MEF2A: variants seen among roughly 807,000 people sequenced by gnomAD.
MEF2A encodes myocyte enhancer factor 2A, also known as myocyte-specific enhancer factor 2A.
A neutral mutation model predicts 55.8 loss-of-function variants in MEF2A; 28 were observed. The ratio of observed to expected loss-of-function variants is 0.50; its 90% CI spans 0.37 to 0.69. The LOEUF is 0.69. Ranked by LOEUF, MEF2A falls within the 30% of genes least tolerant of loss-of-function variation. The pLI, the probability that MEF2A is intolerant of heterozygous loss-of-function variation, is 0.00. For missense variants in MEF2A, 528 were observed against 626.2 expected (o/e 0.84, Z 1.67); for synonymous variants, 239 against 227.1 (o/e 1.05, Z -0.47).
chr15:99,680,218 G>A (rs890333638), intron 7 of MEF2A, among the ~76,000 whole-genome samples: 1 of 152,056 alleles, frequency 6.6e-6, no homozygotes, highest in Non-Finnish European at 1.5e-5. Context: ...CAACAGATAG[G>A]GGAATGTTTA....
chr15:99,689,481 T>C (rs1454199598), intron 7 of MEF2A, among the ~76,000 whole-genome samples: 2 of 152,108 alleles, frequency 1.3e-5, no homozygotes, highest in African/African-American at 4.8e-5. Flanking sequence ...ATGTGGTCTT[T>C]TGCTTGTTTG....
At chr15:99,582,515 G>A (rs954849714) in intron 1 of MEF2A, among the ~76,000 whole-genome samples, 5 of 151,982 alleles carry the variant, frequency 3.3e-5, no homozygotes, top group African/African-American at 1.2e-4. Flanking sequence ...GGTAATAGAT[G>A]TATACACACT....
chr15:99,693,423 GCA>G lies in MEF2A; in HGVS notation c.858+3008_858+3009del, dbSNP rs140629596. Among the ~76,000 whole-genome samples, 182 of 150,694 alleles carry G rather than the reference GCA, an allele frequency of 1.2e-3. 1 individual carries two copies. The highest frequency in any genetic ancestry group is 4.3e-3 in the African/African-American group (176 of 41,224). On this transcript the variant is annotated intron_variant, in intron 8 of 11. Transcript: ENST00000557942. ...ACTGCCAACACACACATGCACGCAT[GCA>G]CACACACACACAGATGTATGCACGC... is the stretch of plus-strand genomic sequence containing the variant.
chr15:99,602,239 A>G (rs2570802), intron 2 of MEF2A, among the ~76,000 whole-genome samples: 145,254 of 152,156 alleles, frequency 0.95, 69,698 homozygotes, highest in East Asian at 1. Flanking sequence ...CCTTTGACTC[A>G]GGGTTTTATA....
At chr15:99,619,258 C>T (rs2040730435) in intron 2 of MEF2A, among the ~76,000 whole-genome samples, 1 of 152,170 alleles carries the variant, frequency 6.6e-6, no homozygotes, top group Admixed American at 6.5e-5. Flanking sequence ...AAGGCTGCTG[C>T]ATTGCGCCTC....
At position 99,712,436 on chromosome 15, in the gene MEF2A, A is replaced by C. The variant is rs1200413525; in HGVS notation, c.1183A>C (p.Asn395His). 8 of 1,549,938 alleles carry C rather than the reference A, an allele frequency of 5.2e-6. No homozygotes were observed. Among genetic ancestry groups the C allele is most frequent in the Non-Finnish European group, 7.0e-6 (8 of 1,145,406 alleles). Residue 395 changes from asparagine to histidine, a missense_variant, in exon 12 of 12, where the codon AAC becomes CAC. This residue lies in a region of MEF2A where 450 missense variants were observed against 475.3 expected (regional missense o/e 0.95). Coordinates refer to ENST00000557942, the MANE Select transcript of MEF2A (RefSeq NM_001319206.4). This position sits in a 1 kb window ranked among gnomAD's most constrained non-coding sequence, Gnocchi z 4.1. The part of the protein sequence containing the change: ...SQGSNLSINT[N>H]QNISIKSEPI... ...GGGTTCCAATTTATCCATTAATACC[A>C]ACCAAAACATCAGCATCAAGTCCGA... is the stretch of plus-strand genomic sequence containing the variant.
intron 7 of MEF2A, chr15:99,678,807 C>A: frequency 4.6e-6 from 2 of 435,314 alleles, no homozygotes; most frequent in Non-Finnish European, 6.1e-6. Context: ...GAATCAAAAG[C>A]ACTGTAAAGA....
At position 99,706,775 on chromosome 15, in the gene MEF2A, C is replaced by A; in HGVS notation, c.929C>A (p.Thr310Asn). 6.2e-7 allele frequency: 1 copy of A among 1,613,892 alleles called. No homozygotes were observed. Among genetic ancestry groups the A allele is most frequent in the Non-Finnish European group, 8.5e-7 (1 of 1,179,766 alleles). ...TCTCAAGCCACTCAACCTCTTGCTA[C>A]CCCAGTCGTGTCTGTGACAACCCCA... Reference protein sequence around the residue: ...SSSQATQPLATPVVSVTTPSL... With the variant: ...SSSQATQPLANPVVSVTTPSL... The change falls in exon 10 of 12, where the codon ACC becomes AAC. Residue 310 changes from threonine (T) to asparagine (N), a missense_variant. By Grantham distance (65) the Thr-to-Asn change is moderately conservative. Around this residue, in one of 2 missense-constraint regions of MEF2A, gnomAD observed 450 missense variants for 475.3 expected, o/e 0.95. Coordinates refer to ENST00000557942, the MANE Select transcript of MEF2A (RefSeq NM_001319206.4).
At chr15:99,644,938 T>G (rs2045695210) in intron 3 of MEF2A, among the ~76,000 whole-genome samples, 1 of 152,124 alleles carries the variant, frequency 6.6e-6, no homozygotes, top group Non-Finnish European at 1.5e-5. Context: ...ATACAGAGCA[T>G]AAAAAGACAT....
At chr15:99,572,284 G>C (rs772951200) in intron 1 of MEF2A, among the ~76,000 whole-genome samples, 3 of 151,994 alleles carry the variant, frequency 2.0e-5, no homozygotes, top group Non-Finnish European at 4.4e-5. Flanking sequence ...TGCACTTTCT[G>C]TACTCCCTCC....
At chr15:99,584,820 G>C (rs1459238074) in intron 1 of MEF2A, among the ~76,000 whole-genome samples, 1 of 152,142 alleles carries the variant, frequency 6.6e-6, no homozygotes, top group Non-Finnish European at 1.5e-5. Context: ...TCAAGTGTAT[G>C]CTTTAAATGG....
At chr15:99,615,423 T>C (rs1377099020) in intron 2 of MEF2A, among the ~76,000 whole-genome samples, 2 of 152,220 alleles carry the variant, frequency 1.3e-5, no homozygotes, top group Admixed American at 6.5e-5. Context: ...TATTGCATTA[T>C]TTTACAGTTT....
chr15:99,573,451 A>C (rs1963227500), intron 1 of MEF2A, among the ~76,000 whole-genome samples: 1 of 152,232 alleles, frequency 6.6e-6, no homozygotes, highest in Non-Finnish European at 1.5e-5. Context: ...AAGGGCAGGA[A>C]TTTGAGAGCT....
chr15:99,655,580 G>C (rs1386599610), intron 4 of MEF2A, among the ~76,000 whole-genome samples: 1 of 152,070 alleles, frequency 6.6e-6, no homozygotes, highest in Non-Finnish European at 1.5e-5. Flanking sequence ...TTTAAAAGAA[G>C]TGTGTAGCTT....
chr15:99,671,676 T>C, intron 5 of MEF2A: 2 of 1,548,184 alleles, frequency 1.3e-6, no homozygotes, highest in South Asian at 1.2e-5. Flanking sequence ...TAAAGTATGG[T>C]TTGTGCTTTT....
chr15:99,644,918 C>G (rs941200614), intron 3 of MEF2A, among the ~76,000 whole-genome samples: 1 of 151,872 alleles, frequency 6.6e-6, no homozygotes, highest in African/African-American at 2.4e-5. Context: ...AAAGTAGTGT[C>G]GAAGAGAGAA....
intron 1 of MEF2A, among the ~76,000 whole-genome samples, chr15:99,577,053 GT>G (rs1964524021): frequency 6.6e-6 from 1 of 152,156 alleles, no homozygotes; most frequent in African/African-American, 2.4e-5. Flanking sequence ...CTGTTATACT[GT>G]TTCGTTCATT....
intron 7 of MEF2A, among the ~76,000 whole-genome samples, chr15:99,684,088 T>C (rs1479326155): frequency 2.6e-5 from 4 of 152,178 alleles, no homozygotes; most frequent in African/African-American, 9.7e-5. Flanking sequence ...TATATGTATA[T>C]ATATATATTA....
At chr15:99,575,956 GTTGT>G (rs1237173696) in intron 1 of MEF2A, among the ~76,000 whole-genome samples, 1 of 152,104 alleles carries the variant, frequency 6.6e-6, no homozygotes, top group Non-Finnish European at 1.5e-5. Flanking sequence ...TAACTCATTG[GTTGT>G]TTTAACATGC....
Sources: allele counts gnomAD v4.1 joint callset (sites outside exome capture counted in the v4.1 genomes callset), GRCh38; gene constraint gnomAD v4.1.1; regional missense constraint gnomAD v4.1.1; non-coding constraint Gnocchi (gnomAD v3.1); transcripts MANE v1.5; gene names NCBI Gene and HGNC (gene_info 2026-07-23, HGNC 2026-07-21).